SKAP2: variants seen among roughly 807,000 people sequenced by gnomAD.
SKAP2 encodes src kinase associated phosphoprotein 2.
SKAP2 carries 28 observed loss-of-function variants against 54.9 expected under a neutral mutation model. The observed-to-expected ratio is 0.51, with a 90% CI of 0.38 to 0.70. The LOEUF (loss-of-function observed/expected upper bound fraction) is 0.70. SKAP2 is among the 30% of genes least tolerant of loss of function. SKAP2 has a pLI of 0.00. For synonymous variants in SKAP2, 137 were observed against 134.3 expected (o/e 1.02, Z -0.14); for missense variants, 356 against 424.1 (o/e 0.84, Z 1.41).
chr7:26,708,030 C>T (rs958834861), intron 9 of SKAP2, among the ~76,000 whole-genome samples: 3 of 152,148 alleles, frequency 2.0e-5, no homozygotes, highest in African/African-American at 4.8e-5. Context: ...GATAAGCTCA[C>T]AATACATGGA....
At chr7:26,719,181 G>GA (rs1408353913) in intron 9 of SKAP2, among the ~76,000 whole-genome samples, 3 of 151,038 alleles carry the variant, frequency 2.0e-5, no homozygotes, top group Admixed American at 1.3e-4. Context: ...TCTTTAAAAA[G>GA]AAAAAAAAGA....
intron 4 of SKAP2, among the ~76,000 whole-genome samples, chr7:26,741,568 AAATAAATAAATTAAT>A (rs869125405): frequency 8.6e-6 from 1 of 116,646 alleles, no homozygotes; most frequent in African/African-American, 3.6e-5. Context: ...ATAAATAAAT[AAATAAATAAATTAAT>A]AAAATGAAAT....
chr7:26,744,142 C>T (rs959577958), intron 4 of SKAP2, among the ~76,000 whole-genome samples: 17 of 151,666 alleles, frequency 1.1e-4, no homozygotes, highest in African/African-American at 4.1e-4. Flanking sequence ...TAAACTATTA[C>T]TTTATCTTTT....
chr7:26,657,543 G>A, the SKAP2 span, among the ~76,000 whole-genome samples: 1 of 152,164 alleles, frequency 6.6e-6, no homozygotes, highest in Non-Finnish European at 1.5e-5. Context: ...TTAATTTAAT[G>A]TAGCCCATGA....
intron 3 of SKAP2, among the ~76,000 whole-genome samples, chr7:26,845,466 A>C (rs1196503081): frequency 3.3e-5 from 5 of 152,232 alleles, no homozygotes; most frequent in Non-Finnish European, 5.9e-5. Flanking sequence ...TGTCATCCTT[A>C]GGGATTCTAC....
At chr7:26,698,840 G>C (rs559898109) in intron 9 of SKAP2, among the ~76,000 whole-genome samples, 1 of 152,190 alleles carries the variant, frequency 6.6e-6, no homozygotes, top group South Asian at 2.1e-4. Flanking sequence ...TAAAATTTGA[G>C]CTTTCAAGCA....
At chr7:26,671,159 G>A (rs1786228555) in intron 11 of SKAP2, among the ~76,000 whole-genome samples, 1 of 152,014 alleles carries the variant, frequency 6.6e-6, no homozygotes, top group South Asian at 2.1e-4. Flanking sequence ...ATTTATTTAT[G>A]TGTAGTGAGA....
intron 4 of SKAP2, among the ~76,000 whole-genome samples, chr7:26,801,146 A>C (rs1016069111): frequency 6.6e-6 from 1 of 152,242 alleles, no homozygotes; most frequent in African/African-American, 2.4e-5. Context: ...TGCATTAGAC[A>C]GATCATTCAT....
chr7:26,781,755 A>C (rs1783430847), intron 4 of SKAP2, among the ~76,000 whole-genome samples: 1 of 152,118 alleles, frequency 6.6e-6, no homozygotes, highest in Non-Finnish European at 1.5e-5. Context: ...GATTGCCATC[A>C]CTTCTGTCTT....
intron 4 of SKAP2, among the ~76,000 whole-genome samples, chr7:26,768,975 T>C (rs1020919591): frequency 9.2e-5 from 14 of 152,294 alleles, no homozygotes; most frequent in East Asian, 3.9e-4. Flanking sequence ...TGGTGTTCTA[T>C]GTGTTTCCTG....
intron 4 of SKAP2, among the ~76,000 whole-genome samples, chr7:26,762,467 G>A (rs1480936528): frequency 6.6e-6 from 1 of 151,962 alleles, no homozygotes; most frequent in Non-Finnish European, 1.5e-5. Flanking sequence ...GTATGCATAT[G>A]TACATGTATC....
intron 3 of SKAP2, among the ~76,000 whole-genome samples, chr7:26,849,709 A>G (rs903689371): frequency 6.6e-6 from 1 of 151,054 alleles, no homozygotes; most frequent in African/African-American, 2.4e-5. Flanking sequence ...AAAAAGCTGT[A>G]GACACTAACA....
intron 4 of SKAP2, among the ~76,000 whole-genome samples, chr7:26,807,574 C>T (rs1784056421): frequency 6.6e-6 from 1 of 152,192 alleles, no homozygotes; most frequent in African/African-American, 2.4e-5. Flanking sequence ...ATTACCCTGT[C>T]TCAGGTAGTT....
At chr7:26,708,371 C>CA (rs931843572) in intron 9 of SKAP2, among the ~76,000 whole-genome samples, 25 of 150,928 alleles carry the variant, frequency 1.7e-4, no homozygotes, top group South Asian at 6.3e-4. Flanking sequence ...ATTGTAGGGG[C>CA]AAAAAAAATG....
intron 4 of SKAP2, among the ~76,000 whole-genome samples, chr7:26,787,387 A>G (rs1783574345): frequency 6.6e-6 from 1 of 151,990 alleles, no homozygotes; most frequent in African/African-American, 2.4e-5. Context: ...CGGTAGCACA[A>G]TCTTGGCTCA....
chr7:26,679,387 T>C (rs369644880), intron 11 of SKAP2, among the ~76,000 whole-genome samples: 4 of 152,318 alleles, frequency 2.6e-5, no homozygotes, highest in African/African-American at 9.6e-5. Context: ...GTTGTGTCCA[T>C]AAACTGCTTT....
intron 3 of SKAP2, among the ~76,000 whole-genome samples, chr7:26,851,719 TA>T (rs5883051): frequency 0.22 from 28,594 of 132,610 alleles, 2,949 homozygotes; most frequent in Non-Finnish European, 0.26. Context: ...GTATAATAAT[TA>T]AAAAAAAAAA....
At chr7:26,864,055 TCACACACA>T (rs35995014) in intron 1 of SKAP2, among the ~76,000 whole-genome samples, 23 of 143,438 alleles carry the variant, frequency 1.6e-4, no homozygotes, top group Middle Eastern at 6.9e-3. Context: ...CGCCCTTCTG[TCACACACA>T]CACACACACA....
Position 26,800,877 on chromosome 7 carries a change from C to T in SKAP2, c.307+43153G>A, listed in dbSNP as rs1463821068. ...TAAAACATCTCCCAGTAAAGAAAAGCCCAGGACCTGATGGCTTCACTGCTG... is the reference window on the plus strand; with the variant it reads ...TAAAACATCTCCCAGTAAAGAAAAGTCCAGGACCTGATGGCTTCACTGCTG... On this transcript the variant is annotated intron_variant, in intron 4 of 12. Transcript: ENST00000345317. 2.0e-5 allele frequency among the ~76,000 whole-genome samples: 3 copies of T among 152,078 alleles called. No homozygotes were observed. The East Asian group carries it at 5.8e-4, about 29-fold the overall frequency.
Sources: allele counts gnomAD v4.1 joint callset (sites outside exome capture counted in the v4.1 genomes callset), GRCh38; gene constraint gnomAD v4.1.1; transcripts MANE v1.5; gene names NCBI Gene and HGNC (gene_info 2026-07-23, HGNC 2026-07-21).